BLOC1S3: variants seen among roughly 807,000 people sequenced by gnomAD.
BLOC1S3 encodes biogenesis of lysosomal organelles complex 1 subunit 3, also known as biogenesis of lysosome-related organelles complex 1 subunit 3.
BLOC1S3 carries 7 observed loss-of-function variants against 9.1 expected under a neutral mutation model. The ratio of observed to expected loss-of-function variants is 0.77; its 90% CI spans 0.44 to 1.45. The LOEUF (loss-of-function observed/expected upper bound fraction) is 1.45, where lower values mean the gene tolerates loss of function less well. Among genes scored for constraint, BLOC1S3 ranks in the 40% most tolerant of loss-of-function variants. The pLI is 0.01. For missense variants in BLOC1S3, 307 were observed against 315.2 expected (o/e 0.97, Z 0.20); for synonymous variants, 145 against 158.4 (o/e 0.92, Z 0.64).
chr19:45,199,361 G>T (rs1568474757), intron 2 of BLOC1S3, among the ~76,000 whole-genome samples: 1 of 134,642 alleles, frequency 7.4e-6, no homozygotes, highest in Non-Finnish European at 1.5e-5. Flanking sequence ...CTGTCTCCAG[G>T]CTGGAGCACA....
intron 2 of BLOC1S3, among the ~76,000 whole-genome samples, chr19:45,191,359 G>T (rs1387260910): frequency 6.6e-6 from 1 of 152,024 alleles, no homozygotes; most frequent in East Asian, 1.9e-4. Context: ...AACCTCAGGT[G>T]ATCTGCCCGC....
At chr19:45,184,770 G>A (rs1969553262), downstream of BLOC1S3, among the ~76,000 whole-genome samples, 1 of 151,772 alleles carries the variant, frequency 6.6e-6, no homozygotes, top group South Asian at 2.1e-4. Flanking sequence ...CACGGTGGCG[G>A]GCACTTGTGG....
At chr19:45,182,719 TG>T (rs1969534881), downstream of BLOC1S3, among the ~76,000 whole-genome samples, 1 of 152,162 alleles carries the variant, frequency 6.6e-6, no homozygotes, top group Non-Finnish European at 1.5e-5. Flanking sequence ...GCTCTCACAA[TG>T]TTGCCCAAGT....
At chr19:45,213,477 C>G in intron 3 of BLOC1S3, 1 of 1,192,198 alleles carries the variant, frequency 8.4e-7, no homozygotes, top group Admixed American at 2.5e-5. Flanking sequence ...GTTCTGGGGC[C>G]TCTGTGTCCC....
intron 2 of BLOC1S3, among the ~76,000 whole-genome samples, chr19:45,196,668 G>A (rs1969650670): frequency 6.6e-6 from 1 of 151,754 alleles, no homozygotes; most frequent in South Asian, 2.1e-4. Context: ...CGAGGCGGGT[G>A]GATCATAAGG....
chr19:45,214,898 G>A (rs1320009605), intron 3 of BLOC1S3, among the ~76,000 whole-genome samples: 1 of 152,116 alleles, frequency 6.6e-6, no homozygotes, highest in Non-Finnish European at 1.5e-5. Context: ...GCTCACGCCT[G>A]TAATCTCAGC....
chr19:45,188,123 A>G lies in BLOC1S3; in HGVS notation n.180+383A>G, dbSNP rs1969579103. Among the ~76,000 whole-genome samples the G allele has an allele frequency of 2.6e-5, 4 of 152,200 alleles. No homozygotes were observed. In the East Asian group the frequency reaches 7.7e-4, roughly 29 times the overall value. On this transcript the variant is annotated intron_variant and non_coding_transcript_variant, in intron 2 of 3. Coordinates refer to the BLOC1S3 transcript ENST00000591569. Reference sequence around the variant, plus strand: ...CTGCAACCTCTGCCTCCTGGGTTCAAGCAATTCTCCTGCCTCGGCCTCCCG... The same window carrying G: ...CTGCAACCTCTGCCTCCTGGGTTCAGGCAATTCTCCTGCCTCGGCCTCCCG...
At chr19:45,211,894 G>A (rs1969775021) in intron 3 of BLOC1S3, among the ~76,000 whole-genome samples, 1 of 152,190 alleles carries the variant, frequency 6.6e-6, no homozygotes, top group Admixed American at 6.5e-5. Context: ...GCAGGAGTCA[G>A]CAGGGAGGTG....
chr19:45,194,104 T>A (rs796374653), intron 2 of BLOC1S3, among the ~76,000 whole-genome samples: 1 of 30,962 alleles, frequency 3.2e-5, no homozygotes, highest in Non-Finnish European at 6.8e-5. Flanking sequence ...CGCCTGGCCT[T>A]TTTTTTTTTT....
rs770932040 is a variant in BLOC1S3 at position 45,179,940 on chromosome 19, G to A, written c.*35G>A. The A allele has an allele frequency of 1.9e-6, 3 of 1,595,542 alleles. No homozygotes were observed. The highest frequency in any genetic ancestry group is 1.7e-5 in the Admixed American group (1 of 58,540). ...TACTTCCCAACCTGACTGCAATTTG[G>A]GGGTAGGCCTTGCTGCCTCTGGGAC... is the stretch of plus-strand genomic sequence containing the variant. On this transcript the variant is annotated 3_prime_UTR_variant, in exon 2 of 2. Transcript: ENST00000433642. The surrounding 1 kb of genome is among the most constrained non-coding windows in gnomAD (Gnocchi z 4.6).
At chr19:45,185,218 G>T (rs971329581), downstream of BLOC1S3, among the ~76,000 whole-genome samples, 3 of 152,174 alleles carry the variant, frequency 2.0e-5, no homozygotes, top group Admixed American at 1.3e-4. Flanking sequence ...CACTGCCTGG[G>T]AACTGGTCTG....
chr19:45,202,980 C>G (rs139411588), intron 3 of BLOC1S3, among the ~76,000 whole-genome samples: 1 of 151,992 alleles, frequency 6.6e-6, no homozygotes. Flanking sequence ...CTCAGGACTC[C>G]GCCTGGTGCC....
intron 2 of BLOC1S3, among the ~76,000 whole-genome samples, chr19:45,197,020 C>A (rs193040779): frequency 7.2e-4 from 110 of 152,066 alleles, no homozygotes; most frequent in Non-Finnish European, 1.2e-3. Flanking sequence ...CACAGGGGCC[C>A]ACGGGGTTTC....
At chr19:45,186,531 C>T (rs112998440), downstream of BLOC1S3, among the ~76,000 whole-genome samples, 6 of 152,124 alleles carry the variant, frequency 3.9e-5, no homozygotes, top group Admixed American at 2.6e-4. Context: ...ACGGTGAAAC[C>T]GTGTCTCTAC....
chr19:45,209,990 C>G (rs192251675), intron 3 of BLOC1S3, among the ~76,000 whole-genome samples: 2 of 152,168 alleles, frequency 1.3e-5, no homozygotes, highest in Non-Finnish European at 2.9e-5. Context: ...TCAGCCACCT[C>G]CCAAAGTGCT....
Position 45,179,654 on chromosome 19 carries a change from C to G in BLOC1S3, c.358C>G (p.Leu120Val). The G allele has an allele frequency of 6.8e-7, 1 of 1,470,220 alleles. No homozygotes were observed. Among genetic ancestry groups the G allele is most frequent in the Non-Finnish European group, 9.0e-7 (1 of 1,117,046 alleles). The allele number at this position is 1,470,220 out of a possible 1,614,324, so 91.1% of individuals were successfully genotyped here. A position where few individuals can be genotyped will look rare whatever the true frequency, so the allele number is the denominator to read the frequency against. Residue 120 changes from leucine (L) to valine (V), a missense_variant, in exon 2 of 2, where the codon CTG becomes GTG. Coordinates refer to ENST00000433642, the MANE Select transcript of BLOC1S3 (RefSeq NM_212550.5). The surrounding 1 kb of genome is among the most constrained non-coding windows in gnomAD (Gnocchi z 4.6). ...QLRLAESQAR[L>V]DHDVAAAVSG... ...TCGGCTGGCGGAGAGCCAGGCGCGGCTGGACCACGACGTGGCGGCCGCCGT... is the reference window on the plus strand; with the variant it reads ...TCGGCTGGCGGAGAGCCAGGCGCGGGTGGACCACGACGTGGCGGCCGCCGT...
In BLOC1S3 at chr19:45,179,973, T is replaced by C. The variant is rs1599746557; in HGVS notation, c.*68T>C. On this transcript the variant is annotated 3_prime_UTR_variant, in exon 2 of 2. Transcript: ENST00000433642. This position sits in a 1 kb window ranked among gnomAD's most constrained non-coding sequence, Gnocchi z 4.6. ...CCTTGCTGCCTCTGGGACCTGACTC[T>C]GTCTCCTGTGTCTCTTATCACCCCC... 1 of 1,539,444 alleles carries C rather than the reference T, an allele frequency of 6.5e-7. No homozygotes were observed. Among genetic ancestry groups the C allele is most frequent in the East Asian group, 2.5e-5 (1 of 40,482 alleles).
chr19:45,195,075 A>C (rs1024892416), intron 2 of BLOC1S3, among the ~76,000 whole-genome samples: 2 of 151,886 alleles, frequency 1.3e-5, no homozygotes, highest in African/African-American at 4.8e-5. Context: ...GATTACAGGC[A>C]TGCGCCAGCA....
intron 2 of BLOC1S3, among the ~76,000 whole-genome samples, chr19:45,201,484 A>G (rs1226976532): frequency 6.6e-6 from 1 of 152,086 alleles, no homozygotes; most frequent in East Asian, 1.9e-4. Context: ...GGCTTCCACC[A>G]ATGTTCACAC....
Sources: allele counts gnomAD v4.1 joint callset (sites outside exome capture counted in the v4.1 genomes callset), GRCh38; gene constraint gnomAD v4.1.1; non-coding constraint Gnocchi (gnomAD v3.1); transcripts MANE v1.5; gene names NCBI Gene and HGNC (gene_info 2026-07-23, HGNC 2026-07-21).